The following CACNG8 variants were observed in gnomAD, a reference collection of about 807,000 sequenced individuals.
CACNG8 encodes voltage-dependent calcium channel gamma-8 subunit.
Under a neutral mutation model 26.9 loss-of-function variants are expected in CACNG8, and 5 were observed. That is an observed-to-expected ratio of 0.19 (90% CI 0.10 to 0.39). The LOEUF is 0.39. Ranked by LOEUF, CACNG8 falls within the 10% of genes least tolerant of loss-of-function variation. CACNG8 has a pLI of 1.00. For missense variants in CACNG8, 473 were observed against 609.4 expected (o/e 0.78, Z 2.36); for synonymous variants, 321 against 296.7 (o/e 1.08, Z -0.84).
intron 1 of CACNG8, 57 bp from the exon 2 acceptor site, chr19:53,978,089 G>GC: frequency 3.4e-6 from 4 of 1,193,312 alleles, no homozygotes; most frequent in Non-Finnish European, 3.7e-6. Flanking sequence ...CAGTGGGGTT[G>GC]CCCCGCCCCC....
chr19:53,972,448 A>C (rs1163306620), intron 1 of CACNG8, among the ~76,000 whole-genome samples: 1 of 115,198 alleles, frequency 8.7e-6, no homozygotes, highest in Admixed American at 1.1e-4. Flanking sequence ...TGAAACCTCC[A>C]CCTCCCAGGT....
In CACNG8 at chr19:53,984,114, G is replaced by A. The variant is rs1349912511; in HGVS notation, c.*1265G>A. On this transcript the variant is annotated 3_prime_UTR_variant, in exon 4 of 4. Coordinates refer to ENST00000270458, the MANE Select transcript of CACNG8 (RefSeq NM_031895.6). ...GGAGGAAGCACGTAATTACACAGAT[G>A]CTGAAGCATAGTCATGGTGTCTGGT... The A allele has an allele frequency of 6.6e-6, 1 of 152,286 alleles. No homozygotes were observed. The highest frequency in any genetic ancestry group is 1.5e-5 in the Non-Finnish European group (1 of 68,072). The allele number at this position is 152,286 out of a possible 1,614,324, so 9.4% of individuals were successfully genotyped here. A position where few individuals can be genotyped will look rare whatever the true frequency, so the allele number is the denominator to read the frequency against.
At position 53,982,273 on chromosome 19, in the gene CACNG8, G is replaced by C. The variant is rs372632681; in HGVS notation, c.702G>C (p.Ala234=). 8.1e-6 allele frequency: 13 copies of C among 1,611,754 alleles called. No individual in the cohort carries two copies. The African/African-American group carries it at 1.6e-4, about 20-fold the overall frequency. The change falls in exon 4 of 4, where the codon GCG becomes GCC. Residue 234 remains alanine, a synonymous_variant. Coordinates refer to ENST00000270458, the MANE Select transcript of CACNG8 (RefSeq NM_031895.6). The surrounding 1 kb of genome is among the most constrained non-coding windows in gnomAD (Gnocchi z 8.4). ...TCTACATCGAGCGCAGCCGCGAGGCGCACTGCCAGTCTCGCTCGGACCTGC... is the reference window on the plus strand; with the variant it reads ...TCTACATCGAGCGCAGCCGCGAGGCCCACTGCCAGTCTCGCTCGGACCTGC...
At chr19:53,972,097 CA>C (rs1326900354) in intron 1 of CACNG8, among the ~76,000 whole-genome samples, 7 of 151,900 alleles carry the variant, frequency 4.6e-5, no homozygotes, top group Admixed American at 4.6e-4. Flanking sequence ...TGGGTTCAAG[CA>C]ATTCTCCTGC....
intron 2 of CACNG8, among the ~76,000 whole-genome samples, chr19:53,979,006 G>A (rs759054283): frequency 2.1e-4 from 31 of 147,462 alleles, no homozygotes; most frequent in Non-Finnish European, 3.4e-4. Flanking sequence ...AAGGGGTGGG[G>A]TGGGGTGGGG....
chr19:53,962,969 C>T lies in CACNG8; in HGVS notation c.-174C>T, dbSNP rs1375076116. Reference sequence around the variant, plus strand: ...CTCCACCAGCCGCCGACCATGGCCGCGCTCTGACCCCCTCCCCGGCCGCAG... The same window carrying T: ...CTCCACCAGCCGCCGACCATGGCCGTGCTCTGACCCCCTCCCCGGCCGCAG... On this transcript the variant is annotated 5_prime_UTR_variant, in exon 1 of 4. Coordinates refer to ENST00000270458, the MANE Select transcript of CACNG8 (RefSeq NM_031895.6). The T allele has an allele frequency of 8.4e-6, 3 of 356,814 alleles. No homozygotes were observed. The highest frequency in any genetic ancestry group is 9.6e-5 in the Admixed American group (2 of 20,890). 22.1% of individuals were successfully genotyped at this position (356,814 alleles called of 1,614,324 possible). A position where few individuals can be genotyped will look rare whatever the true frequency, so the allele number is the denominator to read the frequency against.
At chr19:53,979,448 T>G (rs886659644) in intron 2 of CACNG8, among the ~76,000 whole-genome samples, 3 of 141,598 alleles carry the variant, frequency 2.1e-5, no homozygotes, top group Non-Finnish European at 3.1e-5. Context: ...TGGGAGGGGG[T>G]GTGGAGAGAG....
chr19:53,964,626 T>C (rs1190078486), intron 1 of CACNG8, among the ~76,000 whole-genome samples: 1 of 152,078 alleles, frequency 6.6e-6, no homozygotes, highest in Non-Finnish European at 1.5e-5. Context: ...GTTCTCCCTC[T>C]CACAGCTTCT....
chr19:53,963,503 C>G, intron 1 of CACNG8, 78 bp downstream of exon 1: 1 of 1,369,552 alleles, frequency 7.3e-7, no homozygotes, highest in Non-Finnish European at 9.5e-7. Context: ...GCTGCCTGTC[C>G]CTGATCCTGG....
At chr19:53,980,109 T>G in intron 3 of CACNG8, 102 bp downstream of exon 3, 1 of 1,252,500 alleles carries the variant, frequency 8.0e-7, no homozygotes, top group South Asian at 1.7e-5. Flanking sequence ...TGAGTGCAAG[T>G]GCGCGTTCGT....
At position 53,963,163 on chromosome 19, in the gene CACNG8, G is replaced by T; in HGVS notation, c.21G>T (p.Trp7Cys). 2 of 1,549,622 alleles carry T rather than the reference G, an allele frequency of 1.3e-6. No homozygotes were observed. The highest frequency in any genetic ancestry group is 1.7e-6 in the Non-Finnish European group (2 of 1,150,002). ...TCAAACTGGAGTCGCTGAAGCGCTG[G>T]AACGAAGAGCGGGGCCTCTGGTGCG... Residue 7 changes from tryptophan to cysteine, a missense_variant, in exon 1 of 4, where the codon TGG becomes TGT. Trp to Cys is a radical substitution (Grantham distance 215). This residue lies in a region of CACNG8 where 26 missense variants were observed against 23.8 expected (regional missense o/e 1.09). Coordinates refer to ENST00000270458, the MANE Select transcript of CACNG8 (RefSeq NM_031895.6).
chr19:53,982,583 G>A lies in CACNG8; in HGVS notation c.1012G>A (p.Gly338Ser), dbSNP rs1427645649. ...CGGCGGCGCCGTGGGGGCGTTCGGCGGCGCGGCCGGGGGCGCCGGGGGCGG... is the reference window on the plus strand; with the variant it reads ...CGGCGGCGCCGTGGGGGCGTTCGGCAGCGCGGCCGGGGGCGCCGGGGGCGG... The change falls in exon 4 of 4, where the codon GGC becomes AGC. Residue 338 changes from glycine (G) to serine (S), a missense_variant. Gly to Ser is a moderately conservative substitution (Grantham distance 56). This residue lies in a region of CACNG8 where 212 missense variants were observed against 214.4 expected (regional missense o/e 0.99). Coordinates refer to ENST00000270458, the MANE Select transcript of CACNG8 (RefSeq NM_031895.6). The surrounding 1 kb of genome is among the most constrained non-coding windows in gnomAD (Gnocchi z 8.4). The A allele has an allele frequency of 8.2e-6, 8 of 977,706 alleles. No homozygotes were observed. The highest frequency in any genetic ancestry group is 9.7e-6 in the Non-Finnish European group (8 of 825,580). The allele number at this position is 977,706 out of a possible 1,614,324, so 60.6% of individuals were successfully genotyped here. A position where few individuals can be genotyped will look rare whatever the true frequency, so the allele number is the denominator to read the frequency against.
rs1600039533 is a variant in CACNG8, at chr19:53,983,024, A to G, written c.*175A>G. ...CTCCCCCTCCGAAGCAGGGACCCCG[A>G]GGGAGGGGGCAGGGGAGGGAGGGGG... On this transcript the variant is annotated 3_prime_UTR_variant, in exon 4 of 4. Transcript: ENST00000270458. The G allele has an allele frequency of 1.4e-5, 2 of 140,678 alleles. No homozygotes were observed. Among genetic ancestry groups the G allele is most frequent in the East Asian group, 1.8e-4 (1 of 5,478 alleles). 8.7% of individuals were successfully genotyped at this position (140,678 alleles called of 1,614,324 possible).
In CACNG8 at chr19:53,982,227, T is replaced by C; in HGVS notation, c.656T>C (p.Ile219Thr). The C allele has an allele frequency of 6.2e-7, 1 of 1,613,022 alleles. No individual in the cohort carries two copies. Among genetic ancestry groups the C allele is most frequent in the Non-Finnish European group, 8.5e-7 (1 of 1,179,728 alleles). The change falls in exon 4 of 4, where the codon ATA (isoleucine) becomes ACA (threonine). Residue 219 changes from isoleucine to threonine, a missense_variant. By Grantham distance (89) the Ile-to-Thr change is moderately conservative. Transcript: ENST00000270458. This position sits in a 1 kb window ranked among gnomAD's most constrained non-coding sequence, Gnocchi z 8.4. Reference sequence around the variant, plus strand: ...CTGTCGTTCATCCTGGCCGAGGTGATAGGCGTGCTGGCCGTCAACATCTAC... The same window carrying C: ...CTGTCGTTCATCCTGGCCGAGGTGACAGGCGTGCTGGCCGTCAACATCTAC...
chr19:53,982,694 G>C lies in CACNG8; in HGVS notation c.1123G>C (p.Glu375Gln). 1 of 1,140,700 alleles carries C rather than the reference G, an allele frequency of 8.8e-7. No individual in the cohort carries two copies. The highest frequency in any genetic ancestry group is 1.1e-6 in the Non-Finnish European group (1 of 934,894). The allele number at this position is 1,140,700 out of a possible 1,614,324, so 70.7% of individuals were successfully genotyped here. ...CACGCTGCACAACGCCTTCCCCAAGGAGGCGGGCGGCGGCGTCACGGTCAC... is the reference window on the plus strand; with the variant it reads ...CACGCTGCACAACGCCTTCCCCAAGCAGGCGGGCGGCGGCGTCACGGTCAC... The change falls in exon 4 of 4, where the codon GAG becomes CAG. Residue 375 changes from glutamate (E) to glutamine (Q), a missense_variant. By Grantham distance (29) the Glu-to-Gln change is conservative. Coordinates refer to ENST00000270458, the MANE Select transcript of CACNG8 (RefSeq NM_031895.6). The surrounding 1 kb of genome is among the most constrained non-coding windows in gnomAD (Gnocchi z 8.4).
intron 3 of CACNG8, among the ~76,000 whole-genome samples, chr19:53,980,915 T>C (rs1302954114): frequency 6.6e-6 from 1 of 151,904 alleles, no homozygotes; most frequent in Non-Finnish European, 1.5e-5. Flanking sequence ...GAGCAGGGTG[T>C]GCTTTGGGGA....
chr19:53,978,027 TC>T, intron 1 of CACNG8, 118 bp from the exon 2 acceptor site: 1 of 660,900 alleles, frequency 1.5e-6, no homozygotes, highest in Non-Finnish European at 2.7e-6. Flanking sequence ...ACTTGCGGTC[TC>T]CCAAGCAGCC....
chr19:53,980,284 G>C (rs1448764380), intron 3 of CACNG8, among the ~76,000 whole-genome samples: 1 of 152,046 alleles, frequency 6.6e-6, no homozygotes, highest in Non-Finnish European at 1.5e-5. Flanking sequence ...AAGACGCCGG[G>C]CGCTTAGGAT....
rs1054788055 is a variant in CACNG8, at chr19:53,985,442, G to A, written c.*2593G>A. 1.3e-5 allele frequency: 2 copies of A among 152,338 alleles called. No individual in the cohort carries two copies. Among genetic ancestry groups the A allele is most frequent in the Non-Finnish European group, 2.9e-5 (2 of 68,098 alleles). The allele number at this position is 152,338 out of a possible 1,614,324, so 9.4% of individuals were successfully genotyped here. ...GAAGAATTCTGCCAAGGCGGTTTCA[G>A]GAAGAGATGCTGGGAAATGTAGGAA... On this transcript the variant is annotated 3_prime_UTR_variant, in exon 4 of 4. Coordinates refer to ENST00000270458, the MANE Select transcript of CACNG8 (RefSeq NM_031895.6).
Sources: allele counts gnomAD v4.1 joint callset (sites outside exome capture counted in the v4.1 genomes callset), GRCh38; gene constraint gnomAD v4.1.1; regional missense constraint gnomAD v4.1.1; non-coding constraint Gnocchi (gnomAD v3.1); transcripts MANE v1.5; gene names NCBI Gene and HGNC (gene_info 2026-07-23, HGNC 2026-07-21).